The following ABCA10 variants were observed in gnomAD, a reference collection of about 807,000 sequenced individuals.
ABCA10 encodes ATP-binding cassette sub-family A member 10.
In ABCA10, 169 loss-of-function variants were observed where a neutral mutation model predicts 187.5. The ratio of observed to expected loss-of-function variants is 0.90; its 90% confidence interval spans 0.80 to 1.02. The LOEUF (loss-of-function observed/expected upper bound fraction) is 1.02, where lower values mean the gene tolerates loss of function less well. Among genes scored for constraint, ABCA10 ranks in the 50% least tolerant of loss-of-function variants. ABCA10 has a pLI of 0.00. For synonymous variants in ABCA10, 574 were observed against 601.8 expected (o/e 0.95, Z 0.68); for missense variants, 1,727 against 1,812.4 (o/e 0.95, Z 0.86).
In ABCA10 at chr17:69,219,546, A is replaced by T; in HGVS notation, c.529T>A (p.Trp177Arg). ...CAGTAAAGTAGCAACTTAACTTACC[A>T]GAATGCTGACTCTCGGAGACCCATC... ...TVMGLRESAF[W>R]LSWGLTYICF... The change falls in exon 6 of 39, where the codon TGG (tryptophan) becomes AGG (arginine). Residue 177 changes from tryptophan to arginine, a missense_variant and splice_region_variant. Physicochemically the swap from Trp to Arg is moderately radical, Grantham distance 101. Coordinates refer to ENST00000690296, the MANE Select transcript of ABCA10 (RefSeq NM_001377321.1). 6.4e-7 allele frequency: 1 copy of T among 1,559,514 alleles called. No individual in the cohort carries two copies. The highest frequency in any genetic ancestry group is 8.7e-7 in the Non-Finnish European group (1 of 1,153,206).
At chr17:69,152,573 T>G (rs1598083594) in intron 34 of ABCA10, 92 bp from the exon 35 acceptor site, 1 of 1,497,556 alleles carries the variant, frequency 6.7e-7, no homozygotes, top group East Asian at 2.3e-5. Flanking sequence ...GAGAAAATGT[T>G]ATGTTAGGAT....
intron 37 of ABCA10, chr17:69,149,406 A>G (rs1001048118): frequency 3.6e-6 from 1 of 276,570 alleles, no homozygotes; most frequent in African/African-American, 2.2e-5. Context: ...GTAAATCTAC[A>G]GAGGAGTCCA....
chr17:69,169,984 T>A (rs913283126), intron 25 of ABCA10, among the ~76,000 whole-genome samples: 5 of 152,134 alleles, frequency 3.3e-5, no homozygotes, highest in Non-Finnish European at 5.9e-5. Flanking sequence ...CAGTATTCTA[T>A]AAAAATTAAG....
At position 69,201,789 on chromosome 17, in the gene ABCA10, T is replaced by TATA. The variant is rs2074547929; in HGVS notation, c.1007-124_1007-122dup. ...GTTATTTATCTTGGGCATTTATATT[T>TATA]ATAATTTTTTTTTTTGAGACAGTCA... On this transcript the variant is annotated intron_variant, in intron 9 of 38. Coordinates refer to ENST00000690296, the MANE Select transcript of ABCA10 (RefSeq NM_001377321.1). The TATA allele has an allele frequency of 3.3e-6, 3 of 918,578 alleles. No homozygotes were observed. The African/African-American group carries it at 5.2e-5, about 16-fold the overall frequency. The allele number at this position is 918,578 out of a possible 1,614,324, so 56.9% of individuals were successfully genotyped here.
At chr17:69,168,976 C>CA (rs1321677681) in intron 25 of ABCA10, among the ~76,000 whole-genome samples, 3 of 152,226 alleles carry the variant, frequency 2.0e-5, no homozygotes, top group Non-Finnish European at 4.4e-5. Flanking sequence ...AGTGTGAAAA[C>CA]AGACTAATAC....
At chr17:69,149,942 C>A in intron 37 of ABCA10, 42 bp downstream of exon 37, 1 of 1,417,816 alleles carries the variant, frequency 7.1e-7, no homozygotes, top group South Asian at 1.2e-5. Flanking sequence ...TGAAAATATG[C>A]AACCAATACA....
At chr17:69,183,634 G>A (rs2074397855) in intron 20 of ABCA10, among the ~76,000 whole-genome samples, 1 of 152,096 alleles carries the variant, frequency 6.6e-6, no homozygotes, top group African/African-American at 2.4e-5. Flanking sequence ...TACCTTACCT[G>A]GAGCTAAGAC....
chr17:69,153,632 T>A lies in ABCA10; in HGVS notation c.3966-86A>T, dbSNP rs1252913809. 4 of 1,512,072 alleles carry A rather than the reference T, an allele frequency of 2.6e-6. No individual in the cohort carries two copies. The African/African-American group carries it at 5.6e-5, about 21-fold the overall frequency. 93.7% of individuals were successfully genotyped at this position (1,512,072 alleles called of 1,614,324 possible). A position where few individuals can be genotyped will look rare whatever the true frequency, so the allele number is the denominator to read the frequency against. On this transcript the variant is annotated intron_variant, in intron 32 of 38. Coordinates refer to ENST00000690296, the MANE Select transcript of ABCA10 (RefSeq NM_001377321.1). ...CTGTAGGAAACTCTAAGCACTATTA[T>A]TCTAGATAGTAAATTTAAGCTTCCT...
intron 20 of ABCA10, among the ~76,000 whole-genome samples, chr17:69,184,481 C>A (rs1436409524): frequency 6.6e-6 from 1 of 152,110 alleles, no homozygotes; most frequent in Admixed American, 6.5e-5. Context: ...GTCCACTTCA[C>A]TCCCCTGCTA....
intron 10 of ABCA10, among the ~76,000 whole-genome samples, 188 bp downstream of exon 10, chr17:69,201,312 T>C (rs910899004): frequency 2.6e-5 from 4 of 152,168 alleles, no homozygotes; most frequent in African/African-American, 9.7e-5. Flanking sequence ...ATGATAGGTC[T>C]CTTAAATTTT....
intron 37 of ABCA10, 98 bp downstream of exon 37, chr17:69,149,886 G>A: frequency 1.1e-6 from 1 of 934,304 alleles, no homozygotes; most frequent in Non-Finnish European, 1.6e-6. Context: ...AGTTTTGATT[G>A]ATTATTTCAT....
intron 11 of ABCA10, among the ~76,000 whole-genome samples, chr17:69,195,773 T>C (rs559994817): frequency 1.3e-5 from 2 of 151,970 alleles, no homozygotes; most frequent in South Asian, 2.1e-4. Flanking sequence ...TTAAGGAGCA[T>C]GCTGCCTTCA....
At chr17:69,225,116 AAAACAAAC>A (rs145436046) in intron 3 of ABCA10, among the ~76,000 whole-genome samples, 13 of 151,568 alleles carry the variant, frequency 8.6e-5, no homozygotes, top group African/African-American at 2.9e-4. Flanking sequence ...CATATCATTA[AAAACAAAC>A]AAACAAACAA....
intron 20 of ABCA10, 124 bp downstream of exon 20, chr17:69,185,349 TTTCC>T (rs1161533972): frequency 4.6e-6 from 4 of 871,094 alleles, no homozygotes; most frequent in Non-Finnish European, 4.8e-6. Flanking sequence ...AACCCATCAG[TTTCC>T]TTCATTTGAA....
At chr17:69,206,967 A>T (rs991099543) in intron 9 of ABCA10, among the ~76,000 whole-genome samples, 2 of 152,196 alleles carry the variant, frequency 1.3e-5, no homozygotes, top group Admixed American at 6.5e-5. Context: ...AAAGGAATCA[A>T]CAGAGTAATT....
chr17:69,153,791 C>G, intron 32 of ABCA10, 40 bp downstream of exon 32: 1 of 1,566,014 alleles, frequency 6.4e-7, no homozygotes, highest in East Asian at 2.3e-5. Flanking sequence ...ACATATTTTC[C>G]CCTTCCTCCT....
intron 1 of ABCA10, among the ~76,000 whole-genome samples, chr17:69,238,391 C>G (rs947137013): frequency 6.6e-6 from 1 of 151,996 alleles, no homozygotes; most frequent in African/African-American, 2.4e-5. Flanking sequence ...TAGTTCTTAC[C>G]CCATAGGTCA....
intron 22 of ABCA10, among the ~76,000 whole-genome samples, chr17:69,178,170 G>A (rs1340302823): frequency 6.6e-6 from 1 of 151,344 alleles, no homozygotes; most frequent in Non-Finnish European, 1.5e-5. Flanking sequence ...CAGATGACAC[G>A]TAGCTTAGTG....
intron 10 of ABCA10, among the ~76,000 whole-genome samples, chr17:69,198,811 T>C (rs2074523692): frequency 6.6e-6 from 1 of 152,218 alleles, no homozygotes. Flanking sequence ...ATTTCTCCAG[T>C]TGTGTCACCC....
Sources: gnomAD v4.1 joint callset for allele counts (sites outside exome capture counted in the v4.1 genomes callset) on GRCh38, gnomAD v4.1.1 for gene constraint, MANE v1.5 for transcripts, NCBI Gene and HGNC (gene_info 2026-07-23, HGNC 2026-07-21) for gene names.